FXR1: variants seen among roughly 807,000 people sequenced by gnomAD.
FXR1 encodes the protein RNA-binding protein FXR1.
Under a neutral mutation model 84.0 loss-of-function variants are expected in FXR1, and 15 were observed. That is an observed-to-expected ratio of 0.18 (90% CI 0.12 to 0.27). FXR1 has a LOEUF of 0.27. Ranked by LOEUF, FXR1 falls within the 10% of genes least tolerant of loss-of-function variation. FXR1 has a pLI of 1.00. For synonymous variants in FXR1, 245 were observed against 250.7 expected, an observed-to-expected ratio of 0.98 and a Z score of 0.21; for missense variants, 480 against 774.4, an observed-to-expected ratio of 0.62 and a Z score of 4.51.
chr3:180,922,160 T>C lies in FXR1; in HGVS notation c.51+9424T>C, dbSNP rs548718098. On this transcript the variant is annotated intron_variant, in intron 1 of 16. Transcript: ENST00000357559. Reference sequence around the variant, plus strand: ...TTGTCGCTCCACATAACTATTTCCATTGGATAGATATCAAAGAATGGGATA... The same window carrying C: ...TTGTCGCTCCACATAACTATTTCCACTGGATAGATATCAAAGAATGGGATA... Among the ~76,000 whole-genome samples, 3 of 152,254 alleles carry C rather than the reference T, an allele frequency of 2.0e-5. No homozygotes were observed. The South Asian group carries it at 6.2e-4, about 32-fold the overall frequency.
At chr3:180,952,846 T>TTG (rs1222634483) in intron 8 of FXR1, among the ~76,000 whole-genome samples, 1 of 150,594 alleles carries the variant, frequency 6.6e-6, no homozygotes, top group Non-Finnish European at 1.5e-5. Context: ...TTTTTTTTTT[T>TTG]TTAAAGAGAC....
In FXR1 at chr3:180,980,867, A is replaced by G. The variant is rs980375932; in HGVS notation, c.*4575A>G. ...GGTCATTCAAGTTAACTGGTACTCA[A>G]GGTTACTCATTCCAGGATACTTTAC... On this transcript the variant is annotated 3_prime_UTR_variant, in exon 17 of 17. Transcript: ENST00000357559. The G allele has an allele frequency of 6.6e-6, 1 of 152,026 alleles. No homozygotes were observed. The highest frequency in any genetic ancestry group is 1.5e-5 in the Non-Finnish European group (1 of 67,922). 9.4% of individuals were successfully genotyped at this position (152,026 alleles called of 1,614,324 possible).
intron 1 of FXR1, among the ~76,000 whole-genome samples, chr3:180,926,575 C>CT (rs1250888266): frequency 6.8e-6 from 1 of 147,998 alleles, no homozygotes; most frequent in Non-Finnish European, 1.5e-5. Context: ...TCAGAAAACT[C>CT]TTCTAAGAAG....
intron 1 of FXR1, among the ~76,000 whole-genome samples, chr3:180,930,557 TGAA>T (rs62891860): frequency 0.079 from 12,100 of 152,244 alleles, 654 homozygotes; most frequent in Non-Finnish European, 0.12. Context: ...GAGAGTTTGT[TGAA>T]GAACTAGAAC....
At chr3:180,929,622 C>T (rs1805589) in intron 1 of FXR1, among the ~76,000 whole-genome samples, 25,912 of 152,204 alleles carry the variant, frequency 0.17, 2,428 homozygotes, top group Middle Eastern at 0.24. Context: ...AGCCCCCTGC[C>T]ATGTGCAGAC....
chr3:180,978,963 A>G lies in FXR1; in HGVS notation c.*2671A>G, dbSNP rs943143646. 2.2e-4 allele frequency: 33 copies of G among 152,130 alleles called. No homozygotes were observed. The highest frequency in any genetic ancestry group is 7.2e-4 in the African/African-American group (30 of 41,440). 9.4% of individuals were successfully genotyped at this position (152,130 alleles called of 1,614,324 possible). A position where few individuals can be genotyped will look rare whatever the true frequency, so the allele number is the denominator to read the frequency against. On this transcript the variant is annotated 3_prime_UTR_variant, in exon 17 of 17. Coordinates refer to ENST00000357559, the MANE Select transcript of FXR1 (RefSeq NM_005087.4). ...GGTAACACTTCAGAAATAATTGGCA[A>G]AAGTGTAATAGGAATACACAAATCT...
At chr3:180,945,372 A>C (rs1721589966) in intron 3 of FXR1, among the ~76,000 whole-genome samples, 1 of 152,196 alleles carries the variant, frequency 6.6e-6, no homozygotes, top group Non-Finnish European at 1.5e-5. Flanking sequence ...TGGCACACAA[A>C]CATTTCTTAA....
At position 180,948,218 on chromosome 3, in the gene FXR1, C is replaced by T. The variant is rs964658077; in HGVS notation, c.271-129C>T. 7 of 674,508 alleles carry T rather than the reference C, an allele frequency of 1.0e-5. No individual in the cohort carries two copies. The African/African-American group carries it at 1.1e-4, about 11-fold the overall frequency. The allele number at this position is 674,508 out of a possible 1,614,324, so 41.8% of individuals were successfully genotyped here. A position where few individuals can be genotyped will look rare whatever the true frequency, so the allele number is the denominator to read the frequency against. ...GGCAAATCAGATTGATGTAGCTAAGCTGTGCTTAGTATTTTATGCCACATG... is the reference window on the plus strand; with the variant it reads ...GGCAAATCAGATTGATGTAGCTAAGTTGTGCTTAGTATTTTATGCCACATG... On this transcript the variant is annotated intron_variant, in intron 4 of 16. Coordinates refer to ENST00000357559, the MANE Select transcript of FXR1 (RefSeq NM_005087.4).
At chr3:180,952,157 C>T (rs1401306351) in intron 8 of FXR1, among the ~76,000 whole-genome samples, 2 of 152,064 alleles carry the variant, frequency 1.3e-5, no homozygotes, top group African/African-American at 4.8e-5. Context: ...AAGATTTTGC[C>T]ATGTTGCACA....
intron 1 of FXR1, among the ~76,000 whole-genome samples, chr3:180,926,400 G>T (rs535347770): frequency 4.4e-4 from 67 of 150,648 alleles, no homozygotes; most frequent in Non-Finnish European, 8.7e-4. Flanking sequence ...TAATAGGTTG[G>T]AATCTTGAGA....
Position 180,951,393 on chromosome 3 carries a change from G to A in FXR1, c.726G>A (p.Gln242=). ...TAGGAACACATGGTAGTAACATCCAGCAAGCTAGGAAGGTTCCTGGAGTTA... is the reference window on the plus strand; with the variant it reads ...TAGGAACACATGGTAGTAACATCCAACAAGCTAGGAAGGTTCCTGGAGTTA... ...LAIGTHGSNI[Q]QARKVPGVTA... The change falls in exon 8 of 17, where the codon CAG becomes CAA. Residue 242 remains glutamine, a synonymous_variant. Coordinates refer to ENST00000357559, the MANE Select transcript of FXR1 (RefSeq NM_005087.4). The A allele has an allele frequency of 6.2e-7, 1 of 1,610,142 alleles. No individual in the cohort carries two copies. Among genetic ancestry groups the A allele is most frequent in the Non-Finnish European group, 8.5e-7 (1 of 1,176,372 alleles).
chr3:180,947,571 TTA>T (rs1362651538), intron 3 of FXR1, among the ~76,000 whole-genome samples: 2 of 152,218 alleles, frequency 1.3e-5, no homozygotes, highest in African/African-American at 4.8e-5. Flanking sequence ...GTGTTTTACA[TTA>T]TTTAAAACTC....
rs943026434 is a variant in FXR1 at position 180,925,694 on chromosome 3, T to G, written c.52-7640T>G. 3.9e-5 allele frequency among the ~76,000 whole-genome samples: 6 copies of G among 152,184 alleles called. No individual in the cohort carries two copies. The East Asian group carries it at 1.2e-3, about 29-fold the overall frequency. On this transcript the variant is annotated intron_variant, in intron 1 of 16. Coordinates refer to ENST00000357559, the MANE Select transcript of FXR1 (RefSeq NM_005087.4). The stretch of plus-strand genomic sequence containing the variant: ...AGAAGCATCCTGATTTCAGAGATGT[T>G]AAATCATTCAAATTGATGGGCTGGA...
intron 15 of FXR1, among the ~76,000 whole-genome samples, chr3:180,973,328 G>T (rs1285469851): frequency 7.0e-6 from 1 of 142,844 alleles, no homozygotes; most frequent in Non-Finnish European, 1.5e-5. Context: ...TGGATGAAAG[G>T]TTCTAGAATT....
At chr3:180,915,696 C>T (rs977047999) in intron 1 of FXR1, 13 of 699,134 alleles carry the variant, frequency 1.9e-5, no homozygotes, top group African/African-American at 8.8e-5. Context: ...CACATTTGGC[C>T]GTAAGTGTGA....
chr3:180,978,419 A>G lies in FXR1; in HGVS notation c.*2127A>G, dbSNP rs185723329. On this transcript the variant is annotated 3_prime_UTR_variant, in exon 17 of 17. Coordinates refer to ENST00000357559, the MANE Select transcript of FXR1 (RefSeq NM_005087.4). ...TATAGGTAGTGCAGAATTGTGATAA[A>G]TACGCATTTGTTTTTTTAGAGAGCC... 6.6e-6 allele frequency: 1 copy of G among 152,238 alleles called. No homozygotes were observed. Among genetic ancestry groups the G allele is most frequent in the East Asian group, 1.9e-4 (1 of 5,178 alleles). The allele number at this position is 152,238 out of a possible 1,614,324, so 9.4% of individuals were successfully genotyped here.
At chr3:180,946,422 T>C (rs1185362084) in intron 3 of FXR1, among the ~76,000 whole-genome samples, 4 of 152,106 alleles carry the variant, frequency 2.6e-5, no homozygotes, top group Non-Finnish European at 4.4e-5. Flanking sequence ...TGGATACATA[T>C]AATAATTACA....
chr3:180,915,603 G>GC, intron 1 of FXR1: 1 of 846,582 alleles, frequency 1.2e-6, no homozygotes, highest in Non-Finnish European at 1.9e-6. Context: ...TATTTCTTTG[G>GC]TTTTTTTTGG....
chr3:180,931,091 G>C (rs1719845334), intron 1 of FXR1, among the ~76,000 whole-genome samples: 1 of 146,188 alleles, frequency 6.8e-6, no homozygotes, highest in Non-Finnish European at 1.5e-5. Flanking sequence ...TGGCCAGAAA[G>C]TCATTATTAT....
Sources: gnomAD v4.1 joint callset for allele counts (sites outside exome capture counted in the v4.1 genomes callset) on GRCh38, gnomAD v4.1.1 for gene constraint, MANE v1.5 for transcripts, NCBI Gene and HGNC (gene_info 2026-07-23, HGNC 2026-07-21) for gene names.